TACR3: variants seen among roughly 807,000 people sequenced by gnomAD.
TACR3 encodes neuromedin-K receptor.
A neutral mutation model predicts 35.0 loss-of-function variants in TACR3; 34 were observed. The ratio of observed to expected loss-of-function variants is 0.97; its 90% confidence interval spans 0.74 to 1.30. The LOEUF is 1.30. TACR3 is among the 50% of genes most tolerant of loss of function. TACR3 has a pLI of 0.00. For synonymous variants in TACR3, 233 were observed against 221.1 expected (o/e 1.05, Z -0.48); for missense variants, 558 against 591.7 (o/e 0.94, Z 0.59).
At chr4:103,596,602 T>A (rs950582647) in intron 3 of TACR3, among the ~76,000 whole-genome samples, 7 of 152,138 alleles carry the variant, frequency 4.6e-5, no homozygotes, top group South Asian at 2.1e-4. Context: ...ATCCTTTTTT[T>A]AAAATTTTAT....
chr4:103,656,946 A>AAAAAACAAAAC (rs1553972209), intron 2 of TACR3, among the ~76,000 whole-genome samples: 3,428 of 150,954 alleles, frequency 0.023, 174 homozygotes, highest in East Asian at 0.18. Context: ...TTAACTTGGT[A>AAAAAACAAAAC]AAAACAAAAC....
At chr4:103,661,867 C>T (rs889556205) in intron 1 of TACR3, among the ~76,000 whole-genome samples, 3 of 152,106 alleles carry the variant, frequency 2.0e-5, no homozygotes, top group Non-Finnish European at 2.9e-5. Flanking sequence ...TGAATGCCTA[C>T]TATGGTATTC....
chr4:103,656,155 A>C, intron 3 of TACR3, 39 bp downstream of exon 3: 3 of 1,609,912 alleles, frequency 1.9e-6, no homozygotes, highest in Non-Finnish European at 2.5e-6. Flanking sequence ...GATATACCAT[A>C]ACCTATACAA....
At chr4:103,672,889 C>G (rs527992349) in intron 1 of TACR3, among the ~76,000 whole-genome samples, 7 of 152,200 alleles carry the variant, frequency 4.6e-5, no homozygotes, top group African/African-American at 7.2e-5. Flanking sequence ...ATGATCTTAA[C>G]TAGGTCCTTT....
intron 1 of TACR3, among the ~76,000 whole-genome samples, chr4:103,697,270 T>C (rs2110220546): frequency 6.6e-6 from 1 of 152,310 alleles, no homozygotes; most frequent in South Asian, 2.1e-4. Flanking sequence ...GAGTGGTTCA[T>C]AGACTGAAAA....
At chr4:103,664,259 T>A (rs2046235787) in intron 1 of TACR3, among the ~76,000 whole-genome samples, 1 of 152,146 alleles carries the variant, frequency 6.6e-6, no homozygotes, top group Non-Finnish European at 1.5e-5. Flanking sequence ...ATTGAGGTGG[T>A]CTTTTATGTT....
chr4:103,704,025 A>G (rs908992519), intron 1 of TACR3, among the ~76,000 whole-genome samples: 14 of 147,754 alleles, frequency 9.5e-5, no homozygotes, highest in African/African-American at 3.6e-4. Context: ...AATGGAGTGA[A>G]CCCGGCAGGC....
intron 1 of TACR3, among the ~76,000 whole-genome samples, chr4:103,659,000 C>G (rs556579038): frequency 1.2e-4 from 18 of 152,170 alleles, no homozygotes; most frequent in Non-Finnish European, 2.2e-4. Flanking sequence ...ATTAAGTTCT[C>G]ATAAGGAGCA....
At chr4:103,605,584 A>G (rs1026962497) in intron 3 of TACR3, among the ~76,000 whole-genome samples, 1 of 151,788 alleles carries the variant, frequency 6.6e-6, no homozygotes, top group Non-Finnish European at 1.5e-5. Context: ...GCCAGTGATG[A>G]TGAACATTTT....
intron 1 of TACR3, among the ~76,000 whole-genome samples, chr4:103,717,141 T>C (rs1723107936): frequency 6.6e-6 from 1 of 152,168 alleles, no homozygotes; most frequent in Admixed American, 6.5e-5. Context: ...ATTGGACTGG[T>C]AATCTATTGA....
chr4:103,653,947 T>C (rs1427639704), intron 3 of TACR3, among the ~76,000 whole-genome samples: 3 of 151,436 alleles, frequency 2.0e-5, no homozygotes, highest in Non-Finnish European at 4.4e-5. Flanking sequence ...CATGAAAAAA[T>C]GCTCATCATC....
intron 1 of TACR3, among the ~76,000 whole-genome samples, chr4:103,712,924 C>G (rs917236014): frequency 5.9e-5 from 9 of 152,100 alleles, no homozygotes; most frequent in South Asian, 2.1e-4. Context: ...ACCACAATGA[C>G]ATACCATCTC....
At chr4:103,713,235 T>G (rs1196473872) in intron 1 of TACR3, among the ~76,000 whole-genome samples, 1 of 151,934 alleles carries the variant, frequency 6.6e-6, no homozygotes, top group South Asian at 2.1e-4. Flanking sequence ...CAAATGTCCA[T>G]CAATGATAGA....
At position 103,697,827 on chromosome 4, in the gene TACR3, A is replaced by G. The variant is rs998887986; in HGVS notation, c.548+21301T>C. Among the ~76,000 whole-genome samples, 8 of 152,306 alleles carry G rather than the reference A, an allele frequency of 5.3e-5. No homozygotes were observed. In the East Asian group the frequency reaches 1.2e-3, roughly 22 times the overall value. ...TTTAATGCAAATATGTATTTATTCT[A>G]TCTTTAGTATAAGTATTCTATTTGT... On this transcript the variant is annotated intron_variant, in intron 1 of 4. Transcript: ENST00000304883.
At chr4:103,650,614 TATA>T (rs1725573487) in intron 3 of TACR3, among the ~76,000 whole-genome samples, 4 of 90,624 alleles carry the variant, frequency 4.4e-5, no homozygotes, top group Non-Finnish European at 5.7e-5. Context: ...AATATATAAA[TATA>T]TTATATATAA....
At chr4:103,674,254 A>G (rs1726118422) in intron 1 of TACR3, among the ~76,000 whole-genome samples, 1 of 152,106 alleles carries the variant, frequency 6.6e-6, no homozygotes, top group African/African-American at 2.4e-5. Flanking sequence ...TATGAGAAAA[A>G]TGACTCACAG....
At chr4:103,656,031 GC>G (rs1725726751) in intron 3 of TACR3, among the ~76,000 whole-genome samples, 162 bp downstream of exon 3, 1 of 151,918 alleles carries the variant, frequency 6.6e-6, no homozygotes, top group Non-Finnish European at 1.5e-5. Flanking sequence ...GTGGACAGCA[GC>G]TTATACAAAA....
intron 1 of TACR3, among the ~76,000 whole-genome samples, chr4:103,691,271 G>C (rs1352706056): frequency 6.6e-6 from 1 of 152,154 alleles, no homozygotes; most frequent in African/African-American, 2.4e-5. Flanking sequence ...GGGATAGAAA[G>C]AAACAAACTC....
intron 1 of TACR3, among the ~76,000 whole-genome samples, chr4:103,692,071 G>A (rs754883240): frequency 2.6e-5 from 4 of 152,026 alleles, no homozygotes; most frequent in Non-Finnish European, 5.9e-5. Flanking sequence ...CTCCTGGACC[G>A]AGCTGGTCCC....
Sources: allele counts gnomAD v4.1 joint callset (sites outside exome capture counted in the v4.1 genomes callset), GRCh38; gene constraint gnomAD v4.1.1; transcripts MANE v1.5; gene names NCBI Gene and HGNC (gene_info 2026-07-23, HGNC 2026-07-21).